The following ATP5F1A variants were observed in gnomAD, a reference collection of about 807,000 sequenced individuals.
The protein encoded by ATP5F1A is ATP synthase F(1) complex subunit alpha, mitochondrial.
A neutral mutation model predicts 57.4 loss-of-function variants in ATP5F1A; 24 were observed. The ratio of observed to expected loss-of-function variants is 0.42; its 90% CI spans 0.30 to 0.59. The LOEUF (loss-of-function observed/expected upper bound fraction) is 0.59, where lower values mean the gene tolerates loss of function less well. Ranked by LOEUF, ATP5F1A falls within the 20% of genes least tolerant of loss-of-function variation. ATP5F1A has a pLI of 0.19. For synonymous variants in ATP5F1A, 251 were observed against 255.5 expected (o/e 0.98, Z 0.17); for missense variants, 494 against 707.9 (o/e 0.70, Z 3.43).
intron 3 of ATP5F1A, among the ~76,000 whole-genome samples, 161 bp from the exon 4 acceptor site, chr18:46,090,157 C>T (rs893421991): frequency 6.6e-6 from 1 of 152,200 alleles, no homozygotes; most frequent in East Asian, 1.9e-4. Flanking sequence ...AAACAACCCT[C>T]TCTGATTAAG....
At chr18:46,096,842 GC>G (rs1251941881) in intron 1 of ATP5F1A, among the ~76,000 whole-genome samples, 1 of 151,752 alleles carries the variant, frequency 6.6e-6, no homozygotes, top group Non-Finnish European at 1.5e-5. Context: ...AAGTAGCAGG[GC>G]ATGACGGCGG....
rs949901800 is a variant in ATP5F1A at position 46,091,109 on chromosome 18, T to C, written c.309+573A>G. 4.6e-5 allele frequency among the ~76,000 whole-genome samples: 7 copies of C among 152,372 alleles called. No homozygotes were observed. In the South Asian group the frequency reaches 1.0e-3, roughly 23 times the overall value. On this transcript the variant is annotated intron_variant, in intron 3 of 11. Coordinates refer to ENST00000398752, the MANE Select transcript of ATP5F1A (RefSeq NM_004046.6). ...AGAGTATCAAGACTATCTTTTCCCA[T>C]ATCTGCATGCCTACTAGACAGTTCC...
intron 2 of ATP5F1A, among the ~76,000 whole-genome samples, chr18:46,094,302 T>C (rs1910784666): frequency 6.6e-6 from 1 of 152,112 alleles, no homozygotes; most frequent in South Asian, 2.1e-4. Flanking sequence ...GCCTCCCCAC[T>C]TCTCTACTGC....
chr18:46,085,928 C>T lies in ATP5F1A; in HGVS notation c.1429+185G>A, dbSNP rs1043861911. ...AGCCTAGGCCGTAAGAATGAAACTT[C>T]GTCTCAAAAAAAAAAAAAAATCAAA... On this transcript the variant is annotated intron_variant, in intron 10 of 11. Coordinates refer to ENST00000398752, the MANE Select transcript of ATP5F1A (RefSeq NM_004046.6). The T allele has an allele frequency of 3.1e-4, 214 of 686,446 alleles. 2 individuals carry two copies. The highest frequency in any genetic ancestry group is 4.1e-4 in the Non-Finnish European group (182 of 441,820). 42.5% of individuals were successfully genotyped at this position (686,446 alleles called of 1,614,324 possible).
At chr18:46,101,007 G>A (rs1368820617), upstream of ATP5F1A, among the ~76,000 whole-genome samples, 2 of 152,136 alleles carry the variant, frequency 1.3e-5, no homozygotes, top group Admixed American at 6.6e-5. Flanking sequence ...TGGAGGCAGA[G>A]GTTGCAGTGA....
At position 46,090,350 on chromosome 18, in the gene ATP5F1A, G is replaced by A. The variant is rs368416962; in HGVS notation, c.310-354C>T. Among the ~76,000 whole-genome samples the A allele has an allele frequency of 1.1e-4, 16 of 152,258 alleles. No homozygotes were observed. The East Asian group carries it at 1.9e-3, about 18-fold the overall frequency. ...CTGGGTGATCAGTATGAAATAAAGT[G>A]ATGAAGGCCAAATGGAAATCTTAAG... On this transcript the variant is annotated intron_variant, in intron 3 of 11. Coordinates refer to ENST00000398752, the MANE Select transcript of ATP5F1A (RefSeq NM_004046.6).
chr18:46,097,846 C>G (rs1001336178), intron 1 of ATP5F1A: 192 of 1,147,820 alleles, frequency 1.7e-4, no homozygotes, highest in Non-Finnish European at 1.9e-4. Flanking sequence ...CGATTCAGAA[C>G]AGGCCTCGGA....
intron 1 of ATP5F1A, among the ~76,000 whole-genome samples, chr18:46,097,001 A>AC (rs1002905380): frequency 1.7e-4 from 26 of 151,376 alleles, no homozygotes; most frequent in African/African-American, 6.1e-4. Context: ...AAAAAAAAAA[A>AC]AAAAACAAGC....
upstream of ATP5F1A, among the ~76,000 whole-genome samples, chr18:46,103,198 G>A (rs552398294): frequency 3.9e-5 from 6 of 152,158 alleles, no homozygotes; most frequent in East Asian, 1.2e-3. Flanking sequence ...AGCTACTAGA[G>A]AGGATGAGAC....
In ATP5F1A at chr18:46,104,168, T is replaced by C. The variant is rs555357119; in HGVS notation, c.-80A>G. On this transcript the variant is annotated 5_prime_UTR_variant, in exon 1 of 13. Coordinates refer to the ATP5F1A transcript ENST00000282050. Reference sequence around the variant, plus strand: ...CTAGGCGGCTCTATCTCTCGTAGTGTTGATTATACCGCGGAAGGCGGGAAG... The same window carrying C: ...CTAGGCGGCTCTATCTCTCGTAGTGCTGATTATACCGCGGAAGGCGGGAAG... The C allele has an allele frequency of 7.5e-6, 3 of 399,512 alleles. No individual in the cohort carries two copies. In the Admixed American group the frequency reaches 1.3e-4, roughly 18 times the overall value. 24.7% of individuals were successfully genotyped at this position (399,512 alleles called of 1,614,324 possible). A position where few individuals can be genotyped will look rare whatever the true frequency, so the allele number is the denominator to read the frequency against.
Position 46,095,034 on chromosome 18 carries a change from C to T in ATP5F1A, c.139+19G>A, listed in dbSNP as rs765301106. On this transcript the variant is annotated intron_variant, in intron 2 of 11. Coordinates refer to ENST00000398752, the MANE Select transcript of ATP5F1A (RefSeq NM_004046.6). ...CTTCATCTAGTAAGTGCGGCGTAGA[C>T]TGAGAAATAATAACTTACCAGTCTT... is the stretch of plus-strand genomic sequence containing the variant. 3 of 1,605,514 alleles carry T rather than the reference C, an allele frequency of 1.9e-6. No individual in the cohort carries two copies. Among genetic ancestry groups the T allele is most frequent in the Non-Finnish European group, 2.6e-6 (3 of 1,176,112 alleles).
chr18:46,091,992 G>C (rs1910588021), intron 2 of ATP5F1A, 141 bp from the exon 3 acceptor site: 1 of 632,384 alleles, frequency 1.6e-6, no homozygotes. Flanking sequence ...GACCAACATG[G>C]AGAACCCTGT....
At chr18:46,086,288 C>G in intron 9 of ATP5F1A, 31 bp from the exon 10 acceptor site, 1 of 1,613,490 alleles carries the variant, frequency 6.2e-7, no homozygotes, top group Middle Eastern at 1.7e-4. Flanking sequence ...TACTGTAACT[C>G]AGTGACACAG....
chr18:46,087,958 T>G, intron 6 of ATP5F1A, 151 bp downstream of exon 6: 1 of 760,542 alleles, frequency 1.3e-6, no homozygotes, highest in Non-Finnish European at 2.1e-6. Context: ...AATGTACTAC[T>G]GTTTTACATT....
intron 8 of ATP5F1A, 101 bp from the exon 9 acceptor site, chr18:46,086,595 A>G: frequency 1.8e-6 from 2 of 1,129,188 alleles, no homozygotes; most frequent in Non-Finnish European, 2.5e-6. Flanking sequence ...TCAAAACCTA[A>G]CAATGCAAAG....
intron 2 of ATP5F1A, chr18:46,092,225 T>C (rs1394300023): frequency 1.5e-5 from 1 of 67,554 alleles, no homozygotes; most frequent in Non-Finnish European, 4.6e-5. Context: ...ATAATAATAA[T>C]AATAAAAATC....
chr18:46,086,036 G>A, intron 10 of ATP5F1A, 77 bp downstream of exon 10: 3 of 1,486,536 alleles, frequency 2.0e-6, no homozygotes, highest in Non-Finnish European at 2.7e-6. Context: ...GCCGTGATAT[G>A]TGATGCAGCT....
chr18:46,086,604 AG>A, intron 8 of ATP5F1A, 110 bp from the exon 9 acceptor site: 1 of 1,010,884 alleles, frequency 9.9e-7, no homozygotes, highest in Non-Finnish European at 1.5e-6. Flanking sequence ...AACAATGCAA[AG>A]CATCAGTACC....
Position 46,084,442 on chromosome 18 carries a change from T to G in ATP5F1A, c.1580+62A>C, listed in dbSNP as rs1159821392. ...ACTAGCCTAACTACAGATTTGAAAATAATTTTAACTTCATATCTTAAACAT... is the reference window on the plus strand; with the variant it reads ...ACTAGCCTAACTACAGATTTGAAAAGAATTTTAACTTCATATCTTAAACAT... On this transcript the variant is annotated intron_variant, in intron 11 of 11. Coordinates refer to ENST00000398752, the MANE Select transcript of ATP5F1A (RefSeq NM_004046.6). 12 of 1,574,562 alleles carry G rather than the reference T, an allele frequency of 7.6e-6. No individual in the cohort carries two copies. The East Asian group carries it at 2.7e-4, about 36-fold the overall frequency.
Sources: allele counts gnomAD v4.1 joint callset (sites outside exome capture counted in the v4.1 genomes callset), GRCh38; gene constraint gnomAD v4.1.1; transcripts MANE v1.5; gene names NCBI Gene and HGNC (gene_info 2026-07-23, HGNC 2026-07-21).